The following DCC variants were observed in gnomAD, a reference collection of about 807,000 sequenced individuals.
The protein encoded by DCC is netrin receptor DCC.
Under a neutral mutation model 172.5 loss-of-function variants are expected in DCC, and 58 were observed. That is an observed-to-expected ratio of 0.34 (90% CI 0.27 to 0.42). DCC has a LOEUF of 0.42. Among genes scored for constraint, DCC ranks in the 10% least tolerant of loss-of-function variants. DCC has a pLI of 1.00. For missense variants in DCC, 1,740 were observed against 1,791.0 expected, an observed-to-expected ratio of 0.97 and a Z score of 0.51; for synonymous variants, 709 against 644.5, an observed-to-expected ratio of 1.10 and a Z score of -1.52.
chr18:53,493,750 G>A (rs1009010050), intron 26 of DCC, among the ~76,000 whole-genome samples: 5 of 151,730 alleles, frequency 3.3e-5, no homozygotes, highest in Non-Finnish European at 7.4e-5. Context: ...GGTTTTTCCT[G>A]TCTCTATCTC....
At chr18:52,918,348 A>G (rs2040071049) in intron 3 of DCC, among the ~76,000 whole-genome samples, 1 of 152,188 alleles carries the variant, frequency 6.6e-6, no homozygotes, top group African/African-American at 2.4e-5. Flanking sequence ...TCATGGTTCC[A>G]TTAAAATCAA....
At chr18:52,341,649 A>T (rs571075975) in intron 1 of DCC, among the ~76,000 whole-genome samples, 1 of 152,180 alleles carries the variant, frequency 6.6e-6, no homozygotes, top group South Asian at 2.1e-4. Context: ...CTGTTTGGGG[A>T]TTGGATCTGG....
intron 5 of DCC, among the ~76,000 whole-genome samples, chr18:53,062,027 G>T (rs909649335): frequency 4.6e-5 from 7 of 151,986 alleles, no homozygotes; most frequent in African/African-American, 7.2e-5. Flanking sequence ...TTGGTTTATT[G>T]TCAGTGAATT....
At chr18:53,450,465 C>G in intron 22 of DCC, 35 bp from the exon 23 acceptor site, 3 of 1,612,758 alleles carry the variant, frequency 1.9e-6, no homozygotes, top group Non-Finnish European at 1.7e-6. Context: ...CCACATCTTC[C>G]TAAACCTGAA....
chr18:52,388,955 G>T (rs528052381), intron 1 of DCC, among the ~76,000 whole-genome samples: 34 of 152,256 alleles, frequency 2.2e-4, no homozygotes, highest in African/African-American at 7.9e-4. Flanking sequence ...AATAGCCAGA[G>T]ATCGTTCAGG....
intron 1 of DCC, among the ~76,000 whole-genome samples, chr18:52,501,897 T>C (rs2031036735): frequency 6.6e-6 from 1 of 152,204 alleles, no homozygotes; most frequent in African/African-American, 2.4e-5. Flanking sequence ...GTCTCTGGTA[T>C]CCTGATTACA....
intron 5 of DCC, among the ~76,000 whole-genome samples, chr18:52,938,314 T>A (rs1046163125): frequency 6.6e-6 from 1 of 152,122 alleles, no homozygotes; most frequent in Admixed American, 6.6e-5. Flanking sequence ...GCATATGTGA[T>A]CATGAACCAA....
chr18:53,262,950 AAT>A (rs2056623378), intron 12 of DCC, among the ~76,000 whole-genome samples: 1 of 152,216 alleles, frequency 6.6e-6, no homozygotes, highest in Admixed American at 6.5e-5. Context: ...CAACTTTAAG[AAT>A]ACAATAAGCA....
chr18:52,907,241 C>CATATATACATGATGTCATGG (rs1568179854), intron 3 of DCC, among the ~76,000 whole-genome samples: 9 of 102,662 alleles, frequency 8.8e-5, no homozygotes, highest in African/African-American at 3.3e-4. Context: ...TGATAGATAT[C>CATATATACATGATGTCATGG]ATATATACAT....
intron 14 of DCC, among the ~76,000 whole-genome samples, chr18:53,337,982 T>C (rs1028138267): frequency 2.0e-5 from 3 of 152,244 alleles, no homozygotes; most frequent in Non-Finnish European, 4.4e-5. Flanking sequence ...ATCACTTTAA[T>C]AAAATTCAAA....
chr18:52,851,749 T>C (rs2038977773), intron 2 of DCC, among the ~76,000 whole-genome samples: 1 of 152,118 alleles, frequency 6.6e-6, no homozygotes, highest in Admixed American at 6.5e-5. Flanking sequence ...AATATAATTA[T>C]TGAGCACCTT....
At chr18:53,435,288 C>T in intron 22 of DCC, 79 bp downstream of exon 22, 1 of 900,414 alleles carries the variant, frequency 1.1e-6, no homozygotes, top group Non-Finnish European at 1.8e-6. Context: ...GGCAAATTTT[C>T]TATCAACTAC....
At chr18:53,217,316 C>T (rs1471042515) in intron 12 of DCC, among the ~76,000 whole-genome samples, 2 of 60,372 alleles carry the variant, frequency 3.3e-5, no homozygotes, top group Non-Finnish European at 9.5e-5. Flanking sequence ...TATATACACA[C>T]ACACACACAC....
In DCC at chr18:53,530,570, G is replaced by T; in HGVS notation, c.4261G>T (p.Glu1421Ter). 6.5e-7 allele frequency: 1 copy of T among 1,546,650 alleles called. No homozygotes were observed. The highest frequency in any genetic ancestry group is 8.9e-7 in the Non-Finnish European group (1 of 1,118,594). Residue 1421 changes from glutamate (E) to a stop codon, truncating the protein, a stop_gained, in exon 29 of 29, where the codon GAA becomes TAA. Transcript: ENST00000442544. LOFTEE classifies it high-confidence loss of function. ...KPTEDSANVY[E>*]QDDLSEQMAS... ...GCTCTCATTCTCTTTATAGGTGTATGAACAGGATGATCTGAGTGAACAAAT... is the reference window on the plus strand; with the variant it reads ...GCTCTCATTCTCTTTATAGGTGTATTAACAGGATGATCTGAGTGAACAAAT...
chr18:53,290,453 C>G (rs73463062), intron 12 of DCC, among the ~76,000 whole-genome samples: 3,232 of 152,244 alleles, frequency 0.021, 127 homozygotes, highest in African/African-American at 0.074. Flanking sequence ...TCTGTAATTA[C>G]TGTACATTGT....
At chr18:53,355,680 T>C (rs549165824) in intron 15 of DCC, among the ~76,000 whole-genome samples, 1 of 152,186 alleles carries the variant, frequency 6.6e-6, no homozygotes, top group Admixed American at 6.5e-5. Context: ...GCTGAGACAA[T>C]GGGGTTTTCT....
At chr18:52,385,643 T>TTAG (rs201569864) in intron 1 of DCC, among the ~76,000 whole-genome samples, 21 of 151,766 alleles carry the variant, frequency 1.4e-4, no homozygotes, top group African/African-American at 2.9e-4. Context: ...GGTAGTAGTG[T>TTAG]TAGTAGTAGT....
At chr18:53,279,345 T>C (rs1208373901) in intron 12 of DCC, among the ~76,000 whole-genome samples, 3 of 151,606 alleles carry the variant, frequency 2.0e-5, no homozygotes, top group African/African-American at 7.3e-5. Flanking sequence ...ATGTCCTTTG[T>C]AGGGACATGG....
intron 15 of DCC, among the ~76,000 whole-genome samples, chr18:53,363,608 G>T (rs1025088298): frequency 6.6e-6 from 1 of 152,036 alleles, no homozygotes; most frequent in Non-Finnish European, 1.5e-5. Context: ...ACATATGGTC[G>T]CTTTGAACTT....
Sources: gnomAD v4.1 joint callset for allele counts (sites outside exome capture counted in the v4.1 genomes callset) on GRCh38, gnomAD v4.1.1 for gene constraint, MANE v1.5 for transcripts, NCBI Gene and HGNC (gene_info 2026-07-23, HGNC 2026-07-21) for gene names.